Variants in PCSK5 observed in about 807,000 individuals in gnomAD.
The protein encoded by PCSK5 is proprotein convertase subtilisin/kexin type 5, also known as prohormone convertase 5.
In PCSK5, 129 loss-of-function variants were observed where a neutral mutation model predicts 233.2. The observed-to-expected ratio is 0.55, with a 90% CI of 0.48 to 0.64. The LOEUF (loss-of-function observed/expected upper bound fraction) is 0.64, where lower values mean the gene tolerates loss of function less well. Ranked by LOEUF, PCSK5 falls within the 30% of genes least tolerant of loss-of-function variation. The pLI is 0.00. For synonymous variants in PCSK5, 825 were observed against 879.2 expected (o/e 0.94, Z 1.09); for missense variants, 2,076 against 2,430.1 (o/e 0.85, Z 3.06).
chr9:75,919,973 A>T (rs7024810), intron 1 of PCSK5, among the ~76,000 whole-genome samples: 1 of 151,970 alleles, frequency 6.6e-6, no homozygotes, highest in East Asian at 1.9e-4. Context: ...TTCGAGACCA[A>T]CCTGGCCAAC....
chr9:76,206,240 A>G (rs546344595), intron 20 of PCSK5, among the ~76,000 whole-genome samples: 1 of 152,320 alleles, frequency 6.6e-6, no homozygotes, highest in East Asian at 1.9e-4. Context: ...GGTGTTAACT[A>G]CATAGTCTTA....
intron 1 of PCSK5, among the ~76,000 whole-genome samples, chr9:75,908,578 T>C (rs1039929617): frequency 2.6e-5 from 4 of 152,146 alleles, no homozygotes; most frequent in Non-Finnish European, 4.4e-5. Context: ...TCATTCAACC[T>C]AACTATTTTG....
At chr9:75,998,631 G>T (rs1275786820) in intron 3 of PCSK5, among the ~76,000 whole-genome samples, 3 of 152,126 alleles carry the variant, frequency 2.0e-5, no homozygotes, top group Non-Finnish European at 4.4e-5. Flanking sequence ...TTCCAGGTTG[G>T]TGATCACATA....
chr9:76,125,492 T>C (rs189808167), intron 9 of PCSK5, among the ~76,000 whole-genome samples: 1 of 152,348 alleles, frequency 6.6e-6, no homozygotes, highest in African/African-American at 2.4e-5. Flanking sequence ...CTTTCCCTGC[T>C]TTGATGTTCT....
At chr9:76,146,798 G>C (rs1823459814) in intron 10 of PCSK5, among the ~76,000 whole-genome samples, 1 of 152,124 alleles carries the variant, frequency 6.6e-6, no homozygotes, top group African/African-American at 2.4e-5. Context: ...CTGAAGACTT[G>C]AGCTTGAGTT....
intron 1 of PCSK5, among the ~76,000 whole-genome samples, chr9:75,921,482 G>A (rs1490105906): frequency 2.6e-5 from 4 of 152,066 alleles, no homozygotes; most frequent in East Asian, 3.8e-4. Flanking sequence ...TCCGGTTCCC[G>A]AGATGATGGT....
At chr9:76,317,131 C>G (rs1340127556) in intron 30 of PCSK5, among the ~76,000 whole-genome samples, 1 of 152,060 alleles carries the variant, frequency 6.6e-6, no homozygotes, top group Non-Finnish European at 1.5e-5. Context: ...GAGGCCAAGG[C>G]AGGCAGATCA....
At chr9:76,065,468 G>A (rs1830253214) in intron 5 of PCSK5, among the ~76,000 whole-genome samples, 1 of 152,066 alleles carries the variant, frequency 6.6e-6, no homozygotes. Context: ...CTTCTTTTGT[G>A]AAATGTGTAT....
chr9:76,117,720 C>T (rs1832484249), intron 9 of PCSK5, among the ~76,000 whole-genome samples: 1 of 152,138 alleles, frequency 6.6e-6, no homozygotes, highest in Admixed American at 6.5e-5. Flanking sequence ...AAACTGGCAT[C>T]ACTTCACAGA....
chr9:75,949,671 G>A (rs531089207), intron 2 of PCSK5, among the ~76,000 whole-genome samples: 7 of 152,112 alleles, frequency 4.6e-5, no homozygotes, highest in Admixed American at 1.3e-4. Context: ...GGGACTATAG[G>A]CGCGCACCAC....
At chr9:76,070,651 T>G (rs530275975) in intron 6 of PCSK5, among the ~76,000 whole-genome samples, 2 of 152,214 alleles carry the variant, frequency 1.3e-5, no homozygotes, top group Non-Finnish European at 2.9e-5. Context: ...CATTCTTCGT[T>G]CTTTCTATTT....
rs979609958 is a variant in PCSK5 at position 76,034,653 on chromosome 9, A to G, written c.632+7616A>G. Among the ~76,000 whole-genome samples the G allele has an allele frequency of 4.6e-5, 7 of 152,160 alleles. No homozygotes were observed. In the South Asian group the frequency reaches 1.2e-3, roughly 27 times the overall value. ...CTAGTGATGCCTTCTCTCATCCCGCATGGTATGAGCTGGTTATCCCTCCAA... is the reference window on the plus strand; with the variant it reads ...CTAGTGATGCCTTCTCTCATCCCGCGTGGTATGAGCTGGTTATCCCTCCAA... On this transcript the variant is annotated intron_variant, in intron 5 of 37. Transcript: ENST00000674117.
At chr9:76,124,033 G>C (rs1171850381) in intron 9 of PCSK5, among the ~76,000 whole-genome samples, 1 of 151,962 alleles carries the variant, frequency 6.6e-6, no homozygotes, top group Non-Finnish European at 1.5e-5. Flanking sequence ...AATATGTCCT[G>C]GAAAACATTA....
chr9:76,190,803 T>C (rs180787280), intron 20 of PCSK5, among the ~76,000 whole-genome samples: 5 of 152,308 alleles, frequency 3.3e-5, no homozygotes, highest in Admixed American at 3.3e-4. Context: ...GTCTGTTCTT[T>C]GCACCAATGA....
chr9:76,225,532 G>C (rs1460375339), intron 20 of PCSK5, among the ~76,000 whole-genome samples: 1 of 152,132 alleles, frequency 6.6e-6, no homozygotes, highest in Admixed American at 6.5e-5. Context: ...AGTCTGCCTT[G>C]GGTCCTCTGC....
At chr9:75,924,243 C>T (rs910367704) in intron 1 of PCSK5, among the ~76,000 whole-genome samples, 2 of 152,120 alleles carry the variant, frequency 1.3e-5, no homozygotes, top group African/African-American at 4.8e-5. Context: ...TGATTTTGCT[C>T]TGAGTTCATG....
intron 2 of PCSK5, among the ~76,000 whole-genome samples, chr9:75,949,856 G>A (rs1824764707): frequency 6.6e-6 from 1 of 152,116 alleles, no homozygotes; most frequent in Admixed American, 6.6e-5. Context: ...CATAATAGGT[G>A]TCTATATTTA....
chr9:76,134,076 T>C, intron 9 of PCSK5, 33 bp from the exon 10 acceptor site: 1 of 1,320,150 alleles, frequency 7.6e-7, no homozygotes, highest in Non-Finnish European at 1.1e-6. Flanking sequence ...TTTTTTTTTT[T>C]GGTACAATGA....
At chr9:75,893,147 C>T (rs954008895) in intron 1 of PCSK5, among the ~76,000 whole-genome samples, 4 of 152,148 alleles carry the variant, frequency 2.6e-5, no homozygotes, top group Admixed American at 6.5e-5. Context: ...ATCTCGGGTT[C>T]TGCTAACATT....
Sources: allele counts gnomAD v4.1 joint callset (sites outside exome capture counted in the v4.1 genomes callset), GRCh38; gene constraint gnomAD v4.1.1; transcripts MANE v1.5; gene names NCBI Gene and HGNC (gene_info 2026-07-23, HGNC 2026-07-21).